ZNRF1: variants seen among roughly 807,000 people sequenced by gnomAD.
ZNRF1 encodes the protein E3 ubiquitin-protein ligase ZNRF1.
ZNRF1 carries 3 observed loss-of-function variants against 18.4 expected under a neutral mutation model. The observed-to-expected ratio is 0.16, with a 90% CI of 0.07 to 0.42. The LOEUF is 0.42. Among genes scored for constraint, ZNRF1 ranks in the 10% least tolerant of loss-of-function variants. The pLI is 0.99. For missense variants in ZNRF1, 310 were observed against 329.8 expected, an observed-to-expected ratio of 0.94 and a Z score of 0.47; for synonymous variants, 157 against 144.2, an observed-to-expected ratio of 1.09 and a Z score of -0.64.
At chr16:75,001,150 G>A (rs1235726110) in intron 1 of ZNRF1, among the ~76,000 whole-genome samples, 1 of 152,184 alleles carries the variant, frequency 6.6e-6, no homozygotes, top group Non-Finnish European at 1.5e-5. Context: ...GGTGAGTTGG[G>A]AAAATTTAGA....
At chr16:75,055,994 A>G (rs893554960) in intron 1 of ZNRF1, among the ~76,000 whole-genome samples, 2 of 152,134 alleles carry the variant, frequency 1.3e-5, no homozygotes, top group Admixed American at 6.6e-5. Flanking sequence ...ATTTACCTCA[A>G]TTCCTTTGCT....
intron 1 of ZNRF1, among the ~76,000 whole-genome samples, chr16:75,018,579 T>A (rs2035101187): frequency 6.6e-6 from 1 of 152,218 alleles, no homozygotes; most frequent in African/African-American, 2.4e-5. Flanking sequence ...TATTCTCTTT[T>A]ATTCCTACTT....
chr16:75,005,722 C>T (rs1435535110), intron 1 of ZNRF1, among the ~76,000 whole-genome samples: 3 of 152,044 alleles, frequency 2.0e-5, no homozygotes, highest in East Asian at 1.9e-4. Context: ...AATAAAAGCT[C>T]GACAGCAGTA....
intron 1 of ZNRF1, among the ~76,000 whole-genome samples, chr16:75,092,948 A>G (rs1403010124): frequency 1.3e-5 from 2 of 152,208 alleles, no homozygotes; most frequent in African/African-American, 2.4e-5. Context: ...TCCCTACCCC[A>G]TTGTCCACCA....
At chr16:75,045,243 G>A (rs2035500552) in intron 1 of ZNRF1, among the ~76,000 whole-genome samples, 1 of 152,150 alleles carries the variant, frequency 6.6e-6, no homozygotes, top group African/African-American at 2.4e-5. Flanking sequence ...CCTGGCCAGG[G>A]CTCAAGAAAA....
At chr16:75,023,317 T>G (rs1283448680) in intron 1 of ZNRF1, among the ~76,000 whole-genome samples, 3 of 152,130 alleles carry the variant, frequency 2.0e-5, no homozygotes, top group Non-Finnish European at 4.4e-5. Flanking sequence ...ACCCCCCACA[T>G]TCACATACCC....
intron 2 of ZNRF1, among the ~76,000 whole-genome samples, chr16:75,100,519 C>T (rs182796273): frequency 3.3e-5 from 5 of 152,274 alleles, no homozygotes; most frequent in African/African-American, 4.8e-5. Flanking sequence ...TCCTGGGGGG[C>T]GATGAGGGAG....
chr16:75,091,106 C>G (rs1431765705), intron 1 of ZNRF1, among the ~76,000 whole-genome samples: 1 of 152,026 alleles, frequency 6.6e-6, no homozygotes, highest in Non-Finnish European at 1.5e-5. Flanking sequence ...TGCCTGTAAT[C>G]CCAGCACTTT....
intron 2 of ZNRF1, chr16:75,095,573 T>C (rs1243542188): frequency 1.3e-6 from 2 of 1,515,216 alleles, no homozygotes; most frequent in Non-Finnish European, 1.8e-6. Context: ...TAGGGCGTTC[T>C]CTGTAGACAC....
At chr16:75,007,131 C>T (rs1475907898) in intron 1 of ZNRF1, among the ~76,000 whole-genome samples, 1 of 151,102 alleles carries the variant, frequency 6.6e-6, no homozygotes, top group African/African-American at 2.4e-5. Context: ...GATCATGGCT[C>T]ACTGCAGCCT....
intron 1 of ZNRF1, among the ~76,000 whole-genome samples, chr16:75,048,853 T>G (rs1183608283): frequency 6.6e-6 from 1 of 152,198 alleles, no homozygotes; most frequent in Non-Finnish European, 1.5e-5. Context: ...ACCGGTGGTT[T>G]TTAAAACCTG....
At position 75,008,032 on chromosome 16, in the gene ZNRF1, A is replaced by AT. The variant is rs1238173766; in HGVS notation, c.424+7944dup. Among the ~76,000 whole-genome samples the AT allele has an allele frequency of 3.3e-4, 50 of 151,732 alleles. No homozygotes were observed. In the South Asian group the frequency reaches 0.01, roughly 31 times the overall value. On this transcript the variant is annotated intron_variant, in intron 1 of 4. Coordinates refer to ENST00000335325, the MANE Select transcript of ZNRF1 (RefSeq NM_032268.5). Reference sequence around the variant, plus strand: ...GATGCTATGCTACCATGACCAGATAATTTTTTTACTTTTTTTTTCTTTTTT... The same window carrying AT: ...GATGCTATGCTACCATGACCAGATAATTTTTTTTACTTTTTTTTTCTTTTTT...
At chr16:75,066,069 C>T (rs928386105) in intron 1 of ZNRF1, among the ~76,000 whole-genome samples, 54 of 152,138 alleles carry the variant, frequency 3.5e-4, no homozygotes, top group African/African-American at 1.3e-3. Context: ...CAGCTAGGCT[C>T]CAAACTCGTT....
At chr16:75,057,793 A>G (rs898308624) in intron 1 of ZNRF1, among the ~76,000 whole-genome samples, 1 of 152,160 alleles carries the variant, frequency 6.6e-6, no homozygotes, top group Admixed American at 6.6e-5. Context: ...GGTGTGCACT[A>G]CCACACCCAG....
intron 1 of ZNRF1, among the ~76,000 whole-genome samples, chr16:75,017,320 A>G (rs1004155736): frequency 4.6e-5 from 7 of 152,246 alleles, no homozygotes; most frequent in African/African-American, 1.7e-4. Flanking sequence ...GGGCTTATCC[A>G]TGAATCTGAT....
chr16:75,066,089 A>G (rs746423586), intron 1 of ZNRF1, among the ~76,000 whole-genome samples: 4 of 152,216 alleles, frequency 2.6e-5, no homozygotes, highest in Admixed American at 2.0e-4. Flanking sequence ...TTCCCATTCA[A>G]TTCCAGAAGT....
At chr16:75,002,133 A>G (rs1472030292) in intron 1 of ZNRF1, among the ~76,000 whole-genome samples, 4 of 152,156 alleles carry the variant, frequency 2.6e-5, no homozygotes, top group Non-Finnish European at 4.4e-5. Context: ...AGAATTCCCA[A>G]ATGCCCTCTG....
intron 1 of ZNRF1, among the ~76,000 whole-genome samples, chr16:75,059,078 A>G (rs897969811): frequency 6.6e-6 from 1 of 152,306 alleles, no homozygotes; most frequent in Non-Finnish European, 1.5e-5. Flanking sequence ...AGGAAGAGCC[A>G]GAGGAACTGC....
chr16:75,054,792 G>C (rs2035648085), intron 1 of ZNRF1, among the ~76,000 whole-genome samples: 3 of 152,322 alleles, frequency 2.0e-5, no homozygotes, highest in Admixed American at 2.0e-4. Flanking sequence ...GCTTCTCTAG[G>C]AATGTGGGAA....
Sources: allele counts gnomAD v4.1 joint callset (sites outside exome capture counted in the v4.1 genomes callset), GRCh38; gene constraint gnomAD v4.1.1; transcripts MANE v1.5; gene names NCBI Gene and HGNC (gene_info 2026-07-23, HGNC 2026-07-21).